Variants in LDAH observed in about 807,000 individuals in gnomAD.
LDAH encodes the protein lipid droplet-associated hydrolase.
A neutral mutation model predicts 29.6 loss-of-function variants in LDAH; 26 were observed. The ratio of observed to expected loss-of-function variants is 0.88; its 90% confidence interval spans 0.64 to 1.22. The LOEUF is 1.22. LDAH is among the 50% of genes most tolerant of loss of function. LDAH has a pLI of 0.00. For synonymous variants in LDAH, 117 were observed against 133.0 expected (o/e 0.88, Z 0.83); for missense variants, 344 against 387.3 (o/e 0.89, Z 0.94).
intron 2 of LDAH, among the ~76,000 whole-genome samples, chr2:20,800,922 G>C (rs1284531039): frequency 1.3e-5 from 2 of 152,154 alleles, no homozygotes; most frequent in African/African-American, 2.4e-5. Flanking sequence ...GTGAGCCATT[G>C]CACCTGGCCA....
chr2:20,778,336 C>A lies in LDAH; in HGVS notation c.299-3357G>T, dbSNP rs113529050. Among the ~76,000 whole-genome samples, 440 of 152,302 alleles carry A rather than the reference C, an allele frequency of 2.9e-3. 2 individuals carry two copies. Among genetic ancestry groups the A allele is most frequent in the African/African-American group, 0.01 (416 of 41,578 alleles). ...AGTTTATTTCAAAAGGTACACACAA[C>A]TTGTTCTGAAATAGTTAGTAGAGAA... On this transcript the variant is annotated intron_variant, in intron 3 of 6. Transcript: ENST00000237822.
intron 3 of LDAH, among the ~76,000 whole-genome samples, chr2:20,778,615 C>T (rs985407504): frequency 6.6e-6 from 1 of 152,092 alleles, no homozygotes; most frequent in African/African-American, 2.4e-5. Flanking sequence ...AAATATACTA[C>T]CTTTGCCTTT....
intron 3 of LDAH, among the ~76,000 whole-genome samples, chr2:20,780,708 T>C (rs1035049278): frequency 1.3e-5 from 2 of 152,178 alleles, no homozygotes; most frequent in African/African-American, 4.8e-5. Context: ...CAATGCTCAC[T>C]CTCCCTACTT....
At chr2:20,801,199 T>C in intron 2 of LDAH, 111 bp downstream of exon 2, 2 of 1,198,352 alleles carry the variant, frequency 1.7e-6, no homozygotes, top group Non-Finnish European at 2.3e-6. Context: ...GTCAAGCGAT[T>C]TTAATTCCTT....
Position 20,685,479 on chromosome 2 carries a change from C to A in LDAH, c.*1424G>T. 1 of 1,522,340 alleles carries A rather than the reference C, an allele frequency of 6.6e-7. No homozygotes were observed. The highest frequency in any genetic ancestry group is 8.8e-7 in the Non-Finnish European group (1 of 1,133,726). The allele number at this position is 1,522,340 out of a possible 1,614,324, so 94.3% of individuals were successfully genotyped here. ...CTCCTTGTCTGGAGCTTGGCTTTTC[C>A]CCTCTGAGAAGTCACTTGCTGTGAT... On this transcript the variant is annotated 3_prime_UTR_variant, in exon 7 of 7. Coordinates refer to ENST00000237822, the MANE Select transcript of LDAH (RefSeq NM_021925.4).
chr2:20,805,900 A>AC (rs142715643), intron 1 of LDAH, among the ~76,000 whole-genome samples: 5 of 151,942 alleles, frequency 3.3e-5, no homozygotes, highest in African/African-American at 1.2e-4. Context: ...CTATGTAAAT[A>AC]TAATATTTAT....
chr2:20,812,617 T>C (rs1400773113), intron 1 of LDAH, among the ~76,000 whole-genome samples: 1 of 152,202 alleles, frequency 6.6e-6, no homozygotes, highest in African/African-American at 2.4e-5. Flanking sequence ...CAACCCCTGC[T>C]ATATTTTGGG....
chr2:20,715,948 T>C (rs1471566173), intron 5 of LDAH, among the ~76,000 whole-genome samples: 2 of 152,076 alleles, frequency 1.3e-5, no homozygotes. Context: ...AAAGAAGACA[T>C]TTATGCAGCC....
In LDAH at chr2:20,689,851, C is replaced by T. The variant is rs75654354; in HGVS notation, c.787-2757G>A. Among the ~76,000 whole-genome samples, 62 of 152,260 alleles carry T rather than the reference C, an allele frequency of 4.1e-4. No homozygotes were observed. In the East Asian group the frequency reaches 0.012, roughly 29 times the overall value. ...ATGCTCTCGCCTCAAGATCACTGGA[C>T]CCTGAGAAAGCTACTCTAGGACCCT... On this transcript the variant is annotated intron_variant, in intron 6 of 6. Transcript: ENST00000237822.
chr2:20,741,076 G>A lies in LDAH; in HGVS notation c.469-871C>T, dbSNP rs191760926. Among the ~76,000 whole-genome samples the A allele has an allele frequency of 1.1e-4, 16 of 152,256 alleles. No individual in the cohort carries two copies. In the East Asian group the frequency reaches 3.1e-3, roughly 29 times the overall value. On this transcript the variant is annotated intron_variant, in intron 4 of 6. Coordinates refer to ENST00000237822, the MANE Select transcript of LDAH (RefSeq NM_021925.4). Reference sequence around the variant, plus strand: ...ATTTGTCATCTGTATATCTTCTTTGGTGAGGTATCTGTTAAGGTTTTTGGC... The same window carrying A: ...ATTTGTCATCTGTATATCTTCTTTGATGAGGTATCTGTTAAGGTTTTTGGC...
chr2:20,765,523 T>C (rs1668969872), intron 4 of LDAH, among the ~76,000 whole-genome samples: 1 of 152,252 alleles, frequency 6.6e-6, no homozygotes, highest in South Asian at 2.1e-4. Context: ...TCTAGACTTA[T>C]GGTTTAAAAT....
chr2:20,800,778 C>G (rs546908746), intron 2 of LDAH, among the ~76,000 whole-genome samples: 2 of 152,200 alleles, frequency 1.3e-5, no homozygotes, highest in South Asian at 4.2e-4. Context: ...GGACTATAGG[C>G]ATGTGCCACC....
chr2:20,785,517 G>A (rs1234400861), intron 3 of LDAH, among the ~76,000 whole-genome samples: 1 of 152,226 alleles, frequency 6.6e-6, no homozygotes, highest in Non-Finnish European at 1.5e-5. Context: ...ATATGTAGGT[G>A]TAGAGCCTTA....
chr2:20,706,805 T>C (rs1374967913), intron 5 of LDAH, among the ~76,000 whole-genome samples: 1 of 152,120 alleles, frequency 6.6e-6, no homozygotes, highest in East Asian at 1.9e-4. Flanking sequence ...GAGAAACGAA[T>C]GAGAGGAGTC....
At chr2:20,771,545 G>A (rs185630225) in intron 4 of LDAH, among the ~76,000 whole-genome samples, 5 of 152,178 alleles carry the variant, frequency 3.3e-5, no homozygotes, top group Admixed American at 2.0e-4. Context: ...CAGGCACTGC[G>A]GTGTCTTAGA....
intron 6 of LDAH, among the ~76,000 whole-genome samples, chr2:20,690,911 A>C (rs1411004789): frequency 6.6e-6 from 1 of 152,096 alleles, no homozygotes; most frequent in Admixed American, 6.5e-5. Context: ...TACTCTAAGG[A>C]AAGTATTGTA....
chr2:20,822,630 A>C (rs1291860759), intron 1 of LDAH, among the ~76,000 whole-genome samples: 5 of 152,220 alleles, frequency 3.3e-5, no homozygotes, highest in Non-Finnish European at 2.9e-5. Context: ...CGTGAATAAA[A>C]GGCGGCGTGA....
chr2:20,758,033 A>G (rs185513164), intron 4 of LDAH, among the ~76,000 whole-genome samples: 118 of 152,322 alleles, frequency 7.7e-4, no homozygotes, highest in African/African-American at 2.3e-3. Context: ...CCATGTGCAT[A>G]CATCCCATTG....
rs572224933 is a variant in LDAH at position 20,816,846 on chromosome 2, T to A, written c.-3+6191A>T. On this transcript the variant is annotated intron_variant, in intron 1 of 6. Transcript: ENST00000237822. ...TCAGTCATAAAAGAAACTTAAAAAT[T>A]AAAAATTATACAGCTTATGTTTTCT... 2.0e-5 allele frequency among the ~76,000 whole-genome samples: 3 copies of A among 150,628 alleles called. No homozygotes were observed. The South Asian group carries it at 6.5e-4, about 32-fold the overall frequency.
Sources: gnomAD v4.1 joint callset for allele counts (sites outside exome capture counted in the v4.1 genomes callset) on GRCh38, gnomAD v4.1.1 for gene constraint, MANE v1.5 for transcripts, NCBI Gene and HGNC (gene_info 2026-07-23, HGNC 2026-07-21) for gene names.